ITGAV: variants seen among roughly 807,000 people sequenced by gnomAD.
ITGAV encodes the protein integrin subunit alpha V.
Under a neutral mutation model 143.8 loss-of-function variants are expected in ITGAV, and 76 were observed. The observed-to-expected ratio is 0.53, with a 90% CI of 0.44 to 0.64. The LOEUF (loss-of-function observed/expected upper bound fraction) is 0.64. ITGAV is among the 30% of genes least tolerant of loss of function. The pLI is 0.00. For missense variants in ITGAV, 1,193 were observed against 1,274.7 expected (o/e 0.94, Z 0.98); for synonymous variants, 453 against 446.7 (o/e 1.01, Z -0.18).
At chr2:186,623,466 C>T (rs1417361048) in intron 3 of ITGAV, among the ~76,000 whole-genome samples, 3 of 152,010 alleles carry the variant, frequency 2.0e-5, no homozygotes, top group African/African-American at 4.8e-5. Context: ...CTGCTCTTAA[C>T]GTTCAGTTTC....
chr2:186,600,115 C>CT, intron 1 of ITGAV: 1 of 486,272 alleles, frequency 2.1e-6, no homozygotes, highest in Non-Finnish European at 3.6e-6. Flanking sequence ...TAACCATGGC[C>CT]AAAAGGCCCT....
intron 19 of ITGAV, 75 bp downstream of exon 19, chr2:186,663,910 C>T: frequency 1.1e-6 from 1 of 948,978 alleles, no homozygotes; most frequent in Admixed American, 1.9e-5. Flanking sequence ...AAAGGACTAA[C>T]ATATTTTAAC....
chr2:186,628,386 C>T (rs1223578062), intron 4 of ITGAV, among the ~76,000 whole-genome samples: 3 of 151,860 alleles, frequency 2.0e-5, no homozygotes, highest in Non-Finnish European at 4.4e-5. Flanking sequence ...ATATGGACAC[C>T]GTGGACAAGG....
chr2:186,631,335 T>C (rs1687809718), intron 5 of ITGAV, among the ~76,000 whole-genome samples: 1 of 152,204 alleles, frequency 6.6e-6, no homozygotes, highest in African/African-American at 2.4e-5. Context: ...TTATGTAATG[T>C]GTAATAATTG....
chr2:186,602,092 T>G lies in ITGAV; in HGVS notation c.257T>G (p.Val86Gly). 1 of 1,613,500 alleles carries G rather than the reference T, an allele frequency of 6.2e-7. No homozygotes were observed. Among genetic ancestry groups the G allele is most frequent in the Non-Finnish European group, 8.5e-7 (1 of 1,179,606 alleles). ...TQPGIVEGGQVLKCDWSSTRR... is the reference protein window; with the variant it reads ...TQPGIVEGGQGLKCDWSSTRR... Reference sequence around the variant, plus strand: ...CCTGGGATTGTGGAAGGAGGGCAGGTCCTCAAATGTGACTGGTCTTCTACC... The same window carrying G: ...CCTGGGATTGTGGAAGGAGGGCAGGGCCTCAAATGTGACTGGTCTTCTACC... The change falls in exon 2 of 30, where the codon GTC (valine) becomes GGC (glycine). Residue 86 changes from valine to glycine, a missense_variant. Physicochemically the swap from Val to Gly is moderately radical, Grantham distance 109. Transcript: ENST00000261023.
intron 2 of ITGAV, among the ~76,000 whole-genome samples, chr2:186,620,789 T>C (rs1453426874): frequency 6.6e-6 from 1 of 152,140 alleles, no homozygotes; most frequent in Non-Finnish European, 1.5e-5. Flanking sequence ...ATTGATTAAA[T>C]AAAGTATTCT....
chr2:186,628,275 T>A (rs571944944), intron 4 of ITGAV, among the ~76,000 whole-genome samples: 18 of 152,284 alleles, frequency 1.2e-4, no homozygotes, highest in African/African-American at 4.3e-4. Flanking sequence ...TTGCTTGTCT[T>A]GTGGGTTATT....
chr2:186,590,509 G>C lies in ITGAV; in HGVS notation c.171G>C (p.Val57=). ...SYFGFAVDFF[V]PSASSRMFLL... Reference sequence around the variant, plus strand: ...TCGGCTTCGCCGTGGATTTCTTCGTGCCCAGCGCGTCTTCGTAAGTGGCCG... The same window carrying C: ...TCGGCTTCGCCGTGGATTTCTTCGTCCCCAGCGCGTCTTCGTAAGTGGCCG... Residue 57 remains valine, a synonymous_variant, in exon 1 of 30, where the codon GTG becomes GTC. Coordinates refer to ENST00000261023, the MANE Select transcript of ITGAV (RefSeq NM_002210.5). 1.2e-6 allele frequency: 2 copies of C among 1,610,538 alleles called. No homozygotes were observed. The highest frequency in any genetic ancestry group is 1.7e-6 in the Non-Finnish European group (2 of 1,178,856).
chr2:186,646,332 T>C (rs926115404), intron 12 of ITGAV, among the ~76,000 whole-genome samples: 2 of 152,128 alleles, frequency 1.3e-5, no homozygotes, highest in African/African-American at 4.8e-5. Flanking sequence ...CTACCCCTAG[T>C]TTTAATGAGG....
At position 186,633,863 on chromosome 2, in the gene ITGAV, G is replaced by A. The variant is rs1283912168; in HGVS notation, c.631+489G>A. 2.6e-5 allele frequency among the ~76,000 whole-genome samples: 4 copies of A among 151,872 alleles called. No homozygotes were observed. In the South Asian group the frequency reaches 8.3e-4, roughly 32 times the overall value. ...TTGAGAATGATCTCTAAGTGTTTGGGGACTTCTTAAAAATTGAAGCTGGGC... is the reference window on the plus strand; with the variant it reads ...TTGAGAATGATCTCTAAGTGTTTGGAGACTTCTTAAAAATTGAAGCTGGGC... On this transcript the variant is annotated intron_variant, in intron 6 of 29. Transcript: ENST00000261023.
chr2:186,652,207 CT>C (rs1380101926), intron 15 of ITGAV, 118 bp downstream of exon 15: 2 of 656,132 alleles, frequency 3.0e-6, no homozygotes, highest in Admixed American at 5.8e-5. Flanking sequence ...TGTGAGTATA[CT>C]GTTTTTTCTA....
chr2:186,600,873 C>T (rs556992873), intron 1 of ITGAV, among the ~76,000 whole-genome samples: 2 of 151,608 alleles, frequency 1.3e-5, no homozygotes, highest in East Asian at 2.0e-4. Flanking sequence ...GCAGGAGAAT[C>T]GCTTGAACTG....
chr2:186,604,561 GGTATTGTATACT>G (rs1687004115), intron 2 of ITGAV, among the ~76,000 whole-genome samples: 1 of 152,096 alleles, frequency 6.6e-6, no homozygotes, highest in Admixed American at 6.5e-5. Context: ...AGTTTTGTTA[GGTATTGTATACT>G]TTCCCTCACA....
intron 19 of ITGAV, 58 bp downstream of exon 19, chr2:186,663,893 T>A: frequency 8.6e-7 from 1 of 1,168,780 alleles, no homozygotes; most frequent in Non-Finnish European, 1.3e-6. Flanking sequence ...GGCACATTTT[T>A]CTATTCAAAG....
chr2:186,605,205 A>G (rs1011373563), intron 2 of ITGAV, among the ~76,000 whole-genome samples: 2 of 152,182 alleles, frequency 1.3e-5, no homozygotes, highest in African/African-American at 4.8e-5. Flanking sequence ...GGCTTTTTTC[A>G]GAGGGCAGGA....
intron 2 of ITGAV, among the ~76,000 whole-genome samples, chr2:186,603,908 G>A (rs1226740709): frequency 1.3e-5 from 2 of 150,080 alleles, no homozygotes; most frequent in Non-Finnish European, 3.0e-5. Flanking sequence ...TCTGTCACTC[G>A]GGCTGGAGTG....
intron 16 of ITGAV, among the ~76,000 whole-genome samples, chr2:186,655,602 C>A (rs143242380): frequency 2.0e-5 from 3 of 152,144 alleles, no homozygotes; most frequent in Non-Finnish European, 2.9e-5. Context: ...ACTTGCGACG[C>A]GAATTCTGGT....
At position 186,646,874 on chromosome 2, in the gene ITGAV, C is replaced by A; in HGVS notation, c.1348C>A (p.Pro450Thr). ...CACAGATATAGACAAAAATGGATAT[C>A]CAGGTGCTTTCTTATCAACACATAG... ...GATDIDKNGY[P>T]DLIVGAFGVD... Residue 450 changes from proline to threonine, a missense_variant, in exon 13 of 30, where the codon CCA becomes ACA. By Grantham distance (38) the Pro-to-Thr change is conservative. Transcript: ENST00000261023. The A allele has an allele frequency of 1.9e-6, 3 of 1,574,384 alleles. No homozygotes were observed. Among genetic ancestry groups the A allele is most frequent in the East Asian group, 2.3e-5 (1 of 43,990 alleles).
chr2:186,669,693 T>G lies in ITGAV; in HGVS notation c.2593-8T>G. 6.3e-7 allele frequency: 1 copy of G among 1,587,386 alleles called. No homozygotes were observed. Among genetic ancestry groups the G allele is most frequent in the Non-Finnish European group, 8.6e-7 (1 of 1,160,444 alleles). On this transcript the variant is annotated splice_polypyrimidine_tract_variant and splice_region_variant and intron_variant, in intron 25 of 29. Transcript: ENST00000261023. ...TTTACCACCATTTTATTAATGTGAT[T>G]GCATTAGATCTCATCTTTGCAAACA... is the stretch of plus-strand genomic sequence containing the variant.
Sources: gnomAD v4.1 joint callset for allele counts (sites outside exome capture counted in the v4.1 genomes callset) on GRCh38, gnomAD v4.1.1 for gene constraint, MANE v1.5 for transcripts, NCBI Gene and HGNC (gene_info 2026-07-23, HGNC 2026-07-21) for gene names.